Variants in DMD observed in about 807,000 individuals in gnomAD.
DMD encodes the protein dystrophin.
DMD carries 63 observed loss-of-function variants against 330.1 expected under a neutral mutation model. The observed-to-expected ratio is 0.19, with a 90% CI of 0.16 to 0.24. The LOEUF is 0.24. Among genes scored for constraint, DMD ranks in the 10% least tolerant of loss-of-function variants. The pLI is 1.00. For synonymous variants in DMD, 1,223 were observed against 959.8 expected, an observed-to-expected ratio of 1.27 and a Z score of -5.07; for missense variants, 3,344 against 2,684.1, an observed-to-expected ratio of 1.25 and a Z score of -5.43.
At chrX:31,693,067 A>G (rs1261537742) in intron 52 of DMD, among the ~76,000 whole-genome samples, 3 of 111,993 alleles carry the variant, frequency 2.7e-5, no homozygotes, top group Non-Finnish European at 3.8e-5. Flanking sequence ...TATTAGAAGG[A>G]TTATTCACCA....
At chrX:31,193,375 A>G (rs950933826) in intron 67 of DMD, among the ~76,000 whole-genome samples, 2 of 112,372 alleles carry the variant, frequency 1.8e-5, no homozygotes, top group Non-Finnish European at 3.8e-5. Context: ...GTAAAGAGAG[A>G]TATCATTCTT....
chrX:31,407,234 G>A (rs2061433562), intron 60 of DMD, among the ~76,000 whole-genome samples: 1 of 110,947 alleles, frequency 9.0e-6, no homozygotes, highest in African/African-American at 3.3e-5. Context: ...GCACAATCTC[G>A]GCTCACTGCA....
At chrX:31,214,105 C>A (rs2045068500) in intron 64 of DMD, among the ~76,000 whole-genome samples, 2 of 110,779 alleles carry the variant, frequency 1.8e-5, no homozygotes, top group African/African-American at 6.6e-5. Flanking sequence ...TGGGCTTCAC[C>A]CTCTCTGGCC....
chrX:32,904,231 T>C (rs1057234012), intron 2 of DMD, among the ~76,000 whole-genome samples: 1 of 111,979 alleles, frequency 8.9e-6, no homozygotes, highest in Non-Finnish European at 1.9e-5. Context: ...CTGTAAGTCA[T>C]AAGTGACTCA....
intron 43 of DMD, among the ~76,000 whole-genome samples, chrX:32,238,644 C>A (rs1179244076): frequency 8.9e-6 from 1 of 111,930 alleles, no homozygotes; most frequent in African/African-American, 3.2e-5. Flanking sequence ...AAGAGCATCA[C>A]AGAATTTGTG....
Position 31,493,777 on chromosome X carries a change from T to C in DMD, c.8547+3011A>G, listed in dbSNP as rs184179198. ...TGACTGAAATGTAGAGATTGCATTGTAGGGTGGCAAGAGTAGATGCAGAAA... is the reference window on the plus strand; with the variant it reads ...TGACTGAAATGTAGAGATTGCATTGCAGGGTGGCAAGAGTAGATGCAGAAA... On this transcript the variant is annotated intron_variant, in intron 57 of 78. Coordinates refer to ENST00000357033, the MANE Select transcript of DMD (RefSeq NM_004006.3). Among the ~76,000 whole-genome samples, 369 of 112,038 alleles carry C rather than the reference T, an allele frequency of 3.3e-3. 4 individuals are homozygous for C. The highest frequency in any genetic ancestry group is 2.9e-3 in the Non-Finnish European group (156 of 53,227).
rs115317917 is a variant in DMD at position 31,899,521 on chromosome X, C to T, written c.6913-24148G>A. ...GTGTGAAAATTGAAGAAAATAATAA[C>T]GTAGAAACAAAGGGTAAATATCGAT... On this transcript the variant is annotated intron_variant, in intron 47 of 78. Transcript: ENST00000357033. Among the ~76,000 whole-genome samples the T allele has an allele frequency of 8.9e-3, 982 of 110,700 alleles. 10 individuals carry two copies. The highest frequency in any genetic ancestry group is 0.03 in the African/African-American group (928 of 30,539).
chrX:32,541,379 C>A (rs747550046), intron 17 of DMD, among the ~76,000 whole-genome samples: 6 of 111,583 alleles, frequency 5.4e-5, no homozygotes, highest in Non-Finnish European at 1.1e-4. Flanking sequence ...TCTCCACCAC[C>A]AAATAAGAAT....
chrX:31,123,901 G>A (rs2033221969), intron 78 of DMD, among the ~76,000 whole-genome samples: 3 of 111,681 alleles, frequency 2.7e-5, no homozygotes. Context: ...TAGGCTGTGT[G>A]CTAGGGGATG....
At chrX:31,936,861 T>A (rs2094930846) in intron 45 of DMD, among the ~76,000 whole-genome samples, 1 of 111,221 alleles carries the variant, frequency 9.0e-6, no homozygotes, top group African/African-American at 3.3e-5. Context: ...AAACTGATAT[T>A]TTTTCCCCCA....
At chrX:32,085,706 G>A (rs57323214) in intron 44 of DMD, among the ~76,000 whole-genome samples, 842 of 76,576 alleles carry the variant, frequency 0.011, 34 homozygotes, top group African/African-American at 0.039. Flanking sequence ...ATATACACAC[G>A]CGTATATATA....
intron 3 of DMD, among the ~76,000 whole-genome samples, chrX:32,846,012 T>C: frequency 8.9e-6 from 1 of 111,838 alleles, no homozygotes; most frequent in Non-Finnish European, 1.9e-5. Flanking sequence ...GCACTACTTA[T>C]TGTTCATATT....
chrX:33,195,064 C>T (rs1340868116), intron 1 of DMD, among the ~76,000 whole-genome samples: 1 of 111,428 alleles, frequency 9.0e-6, no homozygotes, highest in East Asian at 2.8e-4. Flanking sequence ...GGGCTCCATG[C>T]TTGTGCACAC....
intron 1 of DMD, among the ~76,000 whole-genome samples, chrX:33,309,588 A>G: frequency 9.0e-6 from 1 of 111,262 alleles, no homozygotes; most frequent in Non-Finnish European, 1.9e-5. Context: ...TTTACTGCAA[A>G]GAGATAGTAA....
chrX:32,525,685 T>C (rs983836013), intron 17 of DMD, among the ~76,000 whole-genome samples: 1 of 111,601 alleles, frequency 9.0e-6, no homozygotes, highest in African/African-American at 3.3e-5. Flanking sequence ...CTGAGATGCA[T>C]GGCAAATGAA....
intron 52 of DMD, among the ~76,000 whole-genome samples, chrX:31,702,327 CTG>C (rs1481629558): frequency 2.7e-5 from 3 of 112,023 alleles, no homozygotes; most frequent in Non-Finnish European, 5.6e-5. Flanking sequence ...CTCTTGAACT[CTG>C]TATCCATAGA....
intron 1 of DMD, among the ~76,000 whole-genome samples, chrX:33,227,176 T>C (rs949971251): frequency 5.4e-5 from 6 of 111,260 alleles, no homozygotes; most frequent in Non-Finnish European, 1.1e-4. Flanking sequence ...ATTGAAAGCC[T>C]AGACCAAGTT....
intron 1 of DMD, among the ~76,000 whole-genome samples, chrX:33,246,366 T>C (rs1271583955): frequency 9.0e-6 from 1 of 111,493 alleles, no homozygotes; most frequent in Non-Finnish European, 1.9e-5. Context: ...AGTTGTTTCA[T>C]TTATACAGTT....
chrX:32,973,922 C>T (rs760582502), intron 2 of DMD, among the ~76,000 whole-genome samples: 1 of 110,517 alleles, frequency 9.0e-6, no homozygotes, highest in Non-Finnish European at 1.9e-5. Flanking sequence ...AAAAAAGGCA[C>T]GTCCACTAAA....
Sources: allele counts gnomAD v4.1 joint callset (sites outside exome capture counted in the v4.1 genomes callset), GRCh38; gene constraint gnomAD v4.1.1; transcripts MANE v1.5; gene names NCBI Gene and HGNC (gene_info 2026-07-23, HGNC 2026-07-21).